Variants in PRKG1 observed in about 807,000 individuals in gnomAD.
PRKG1 encodes the protein cGMP-dependent protein kinase 1.
PRKG1 carries 35 observed loss-of-function variants against 88.1 expected under a neutral mutation model. That is an observed-to-expected ratio of 0.40 (90% confidence interval 0.30 to 0.53). The LOEUF (loss-of-function observed/expected upper bound fraction) is 0.53, where lower values mean the gene tolerates loss of function less well. Among genes scored for constraint, PRKG1 ranks in the 20% least tolerant of loss-of-function variants. The pLI, the probability that PRKG1 is intolerant of heterozygous loss-of-function variation, is 0.59. For missense variants in PRKG1, 540 were observed against 839.8 expected, an observed-to-expected ratio of 0.64 and a Z score of 4.41; for synonymous variants, 303 against 292.5, an observed-to-expected ratio of 1.04 and a Z score of -0.37.
chr10:51,284,803 T>A (rs994391193), intron 2 of PRKG1, among the ~76,000 whole-genome samples: 1 of 151,540 alleles, frequency 6.6e-6, no homozygotes. Context: ...CAGTTGAATA[T>A]CTGAGATAGA....
chr10:52,196,073 C>A (rs1178231881), intron 9 of PRKG1, among the ~76,000 whole-genome samples: 4 of 152,000 alleles, frequency 2.6e-5, no homozygotes, highest in Admixed American at 2.0e-4. Flanking sequence ...AGTGCAGTGG[C>A]ACGATCTCGG....
intron 17 of PRKG1, among the ~76,000 whole-genome samples, 172 bp downstream of exon 17, chr10:52,290,462 A>C (rs1045173829): frequency 1.3e-5 from 2 of 152,222 alleles, no homozygotes; most frequent in African/African-American, 4.8e-5. Context: ...GAAAGCAGAT[A>C]AATTTGGGGA....
In PRKG1 at chr10:51,944,934, G is replaced by T. The variant is rs570177180; in HGVS notation, c.762+37364G>T. On this transcript the variant is annotated intron_variant, in intron 5 of 17. Coordinates refer to ENST00000373980, the MANE Select transcript of PRKG1 (RefSeq NM_006258.4). ...TGCTGAAAAAAATGTATATTCTGTT[G>T]ATTTGGGGTGGAGAGTTCTGTAGAT... Among the ~76,000 whole-genome samples the T allele has an allele frequency of 2.0e-4, 30 of 151,816 alleles. No individual in the cohort carries two copies. In the East Asian group the frequency reaches 5.8e-3, roughly 29 times the overall value.
chr10:51,130,869 A>G (rs1444793721), intron 1 of PRKG1, among the ~76,000 whole-genome samples: 1 of 152,142 alleles, frequency 6.6e-6, no homozygotes, highest in Non-Finnish European at 1.5e-5. Context: ...AGATAGCGCC[A>G]CTGCACTCCA....
chr10:51,193,596 G>A (rs370170114), intron 2 of PRKG1, among the ~76,000 whole-genome samples: 2 of 152,010 alleles, frequency 1.3e-5, no homozygotes, highest in East Asian at 3.8e-4. Context: ...TGTATGAAAT[G>A]TTTGTTTGTA....
intron 2 of PRKG1, among the ~76,000 whole-genome samples, chr10:51,447,383 C>G (rs555373319): frequency 6.6e-6 from 1 of 151,984 alleles, no homozygotes; most frequent in Non-Finnish European, 1.5e-5. Context: ...ATGAACAATC[C>G]CATGAAGAAC....
intron 3 of PRKG1, among the ~76,000 whole-genome samples, chr10:51,695,209 T>A (rs150150771): frequency 6.6e-6 from 1 of 152,208 alleles, no homozygotes; most frequent in Non-Finnish European, 1.5e-5. Flanking sequence ...CGAGGTGCTA[T>A]TGAAATACAG....
intron 3 of PRKG1, among the ~76,000 whole-genome samples, chr10:51,484,501 TC>T (rs1292932305): frequency 1.3e-5 from 2 of 152,280 alleles, no homozygotes; most frequent in East Asian, 3.9e-4. Flanking sequence ...GGTCTCAAAC[TC>T]CTAGGCTCAA....
intron 1 of PRKG1, among the ~76,000 whole-genome samples, chr10:51,099,384 GACACAC>G (rs71459403): frequency 2.0e-5 from 3 of 148,790 alleles, no homozygotes; most frequent in Non-Finnish European, 3.0e-5. Context: ...CAGCATTCAA[GACACAC>G]ACACACACAC....
intron 5 of PRKG1, among the ~76,000 whole-genome samples, chr10:52,024,371 G>A (rs1310450814): frequency 3.3e-5 from 5 of 149,994 alleles, no homozygotes; most frequent in African/African-American, 1.2e-4. Context: ...GGGTACATGT[G>A]CACAACGTGC....
intron 5 of PRKG1, among the ~76,000 whole-genome samples, chr10:51,989,538 C>T (rs1212994996): frequency 6.6e-6 from 1 of 151,532 alleles, no homozygotes; most frequent in Non-Finnish European, 1.5e-5. Context: ...ACCAGATTGC[C>T]TGTAATGTCA....
rs185391517 is a variant in PRKG1 at position 51,162,906 on chromosome 10, A to G, written c.478+9576A>G. 1.0e-3 allele frequency among the ~76,000 whole-genome samples: 153 copies of G among 152,190 alleles called. 1 individual carries two copies. Among genetic ancestry groups the G allele is most frequent in the African/African-American group, 3.5e-3 (145 of 41,512 alleles). ...CTATTTTTTTGGATTTTTTGTAGAA[A>G]TGGGCTCTCACTATGTTACCCAGGC... On this transcript the variant is annotated intron_variant, in intron 2 of 17. Coordinates refer to ENST00000373980, the MANE Select transcript of PRKG1 (RefSeq NM_006258.4).
rs534892984 is a variant in PRKG1 at position 51,602,155 on chromosome 10, C to A, written c.592+134319C>A. ...AGTAAGACATCATTCTACATTAGCC[C>A]GAGGGGTTCGCTCAACACAAATATT... On this transcript the variant is annotated intron_variant, in intron 3 of 17. Coordinates refer to ENST00000373980, the MANE Select transcript of PRKG1 (RefSeq NM_006258.4). 2.6e-4 allele frequency among the ~76,000 whole-genome samples: 39 copies of A among 152,108 alleles called. No individual in the cohort carries two copies. The South Asian group carries it at 8.1e-3, about 32-fold the overall frequency.
intron 4 of PRKG1, among the ~76,000 whole-genome samples, chr10:51,898,681 G>T (rs916714128): frequency 1.3e-5 from 2 of 152,054 alleles, no homozygotes; most frequent in Non-Finnish European, 2.9e-5. Context: ...CAAAAAACTG[G>T]TGGCACACAT....
intron 2 of PRKG1, among the ~76,000 whole-genome samples, chr10:51,209,037 C>T (rs896036667): frequency 6.6e-6 from 1 of 152,090 alleles, no homozygotes; most frequent in African/African-American, 2.4e-5. Flanking sequence ...TCTTAAAAAT[C>T]AACTAACTAG....
chr10:51,424,996 C>A (rs932616067), intron 2 of PRKG1, among the ~76,000 whole-genome samples: 1 of 151,722 alleles, frequency 6.6e-6, no homozygotes, highest in Admixed American at 6.6e-5. Context: ...CAGAATACAG[C>A]CCTCCCTCCT....
chr10:52,058,962 A>C (rs536441758), intron 6 of PRKG1, among the ~76,000 whole-genome samples: 1 of 152,054 alleles, frequency 6.6e-6, no homozygotes, highest in Non-Finnish European at 1.5e-5. Flanking sequence ...AACACCTAAA[A>C]ATCAACAAAA....
intron 9 of PRKG1, among the ~76,000 whole-genome samples, chr10:52,221,757 T>C (rs1468849183): frequency 1.3e-5 from 2 of 152,202 alleles, no homozygotes; most frequent in Non-Finnish European, 2.9e-5. Context: ...CAACTGCATG[T>C]GTGCTACAGG....
At position 51,699,460 on chromosome 10, in the gene PRKG1, C is replaced by A. The variant is rs767997063; in HGVS notation, c.593-105125C>A. ...CCTCCGAGAAAATGTCCTTTAACTG[C>A]TCCTCAGTTGCCTCATATGGAATGT... On this transcript the variant is annotated intron_variant, in intron 3 of 17. Transcript: ENST00000373980. 3 of 1,613,910 alleles carry A rather than the reference C, an allele frequency of 1.9e-6. No homozygotes were observed. The Admixed American group carries it at 5.0e-5, about 27-fold the overall frequency.
Sources: gnomAD v4.1 joint callset for allele counts (sites outside exome capture counted in the v4.1 genomes callset) on GRCh38, gnomAD v4.1.1 for gene constraint, MANE v1.5 for transcripts, NCBI Gene and HGNC (gene_info 2026-07-23, HGNC 2026-07-21) for gene names.